Variants in TMEM182 observed in about 807,000 individuals in gnomAD.
TMEM182 encodes transmembrane protein 182.
TMEM182 carries 20 observed loss-of-function variants against 26.8 expected under a neutral mutation model. That is an observed-to-expected ratio of 0.75 (90% confidence interval 0.53 to 1.09). TMEM182 has a LOEUF of 1.09. Ranked by LOEUF, TMEM182 falls within the 50% of genes least tolerant of loss-of-function variation. TMEM182 has a pLI of 0.00. For synonymous variants in TMEM182, 109 were observed against 102.2 expected, an observed-to-expected ratio of 1.07 and a Z score of -0.40; for missense variants, 277 against 275.5, an observed-to-expected ratio of 1.01 and a Z score of -0.04.
Position 102,815,168 on chromosome 2 carries a change from A to G in TMEM182, c.*200A>G. The G allele has an allele frequency of 7.2e-7, 1 of 1,396,556 alleles. No homozygotes were observed. The highest frequency in any genetic ancestry group is 9.3e-7 in the Non-Finnish European group (1 of 1,079,660). The allele number at this position is 1,396,556 out of a possible 1,614,324, so 86.5% of individuals were successfully genotyped here. On this transcript the variant is annotated 3_prime_UTR_variant, in exon 5 of 5. Coordinates refer to ENST00000412401, the MANE Select transcript of TMEM182 (RefSeq NM_144632.5). Reference sequence around the variant, plus strand: ...ACACCAGCAAGCCTCTATCTTGTCTAAGTGCTGTCAAGGACCTAGTTCTTT... The same window carrying G: ...ACACCAGCAAGCCTCTATCTTGTCTGAGTGCTGTCAAGGACCTAGTTCTTT...
chr2:102,809,961 A>G (rs938308684), intron 4 of TMEM182, among the ~76,000 whole-genome samples: 1 of 152,232 alleles, frequency 6.6e-6, no homozygotes, highest in East Asian at 1.9e-4. Flanking sequence ...GTGTGGAAGC[A>G]TGACTAAAGG....
At chr2:102,833,972 A>T (rs1344218789) in intron 3 of TMEM182, among the ~76,000 whole-genome samples, 1 of 152,218 alleles carries the variant, frequency 6.6e-6, no homozygotes, top group East Asian at 1.9e-4. Flanking sequence ...CTGCTAAGTC[A>T]GTAACTTATC....
Position 102,815,984 on chromosome 2 carries a change from C to A in TMEM182, c.*1016C>A, listed in dbSNP as rs1485204950. On this transcript the variant is annotated 3_prime_UTR_variant, in exon 5 of 5. Coordinates refer to ENST00000412401, the MANE Select transcript of TMEM182 (RefSeq NM_144632.5). ...TCCAGTTCTTCTGATCATTTGATTC[C>A]TTTAATTACTGTCCCTCAATTTCTT... is the stretch of plus-strand genomic sequence containing the variant. 2 of 984,794 alleles carry A rather than the reference C, an allele frequency of 2.0e-6. No homozygotes were observed. The highest frequency in any genetic ancestry group is 1.2e-6 in the Non-Finnish European group (1 of 829,506). The allele number at this position is 984,794 out of a possible 1,614,324, so 61.0% of individuals were successfully genotyped here.
chr2:102,785,296 C>T (rs1294357188), intron 3 of TMEM182, among the ~76,000 whole-genome samples: 1 of 152,142 alleles, frequency 6.6e-6, no homozygotes, highest in Non-Finnish European at 1.5e-5. Flanking sequence ...GCCAGTCCCA[C>T]TCTCCCCTTT....
upstream of TMEM182, among the ~76,000 whole-genome samples, chr2:102,761,020 A>G (rs114823284): frequency 5.0e-3 from 755 of 152,314 alleles, 8 homozygotes; most frequent in African/African-American, 0.017. Flanking sequence ...ATGCCACAAA[A>G]AAGAAGGCGT....
In TMEM182 at chr2:102,831,049, A is replaced by G. The variant is rs539263907; in HGVS notation, c.326-12363A>G. Reference sequence around the variant, plus strand: ...AAATGACTGGATCTTATTCTTTTTTATGGCTGAAGAGTACTCCATTGTGTG... The same window carrying G: ...AAATGACTGGATCTTATTCTTTTTTGTGGCTGAAGAGTACTCCATTGTGTG... On this transcript the variant is annotated intron_variant, in intron 3 of 3. Coordinates refer to the TMEM182 transcript ENST00000486293. Among the ~76,000 whole-genome samples the G allele has an allele frequency of 3.7e-4, 57 of 152,252 alleles. No homozygotes were observed. In the South Asian group the frequency reaches 0.011, roughly 30 times the overall value.
At chr2:102,805,414 T>G (rs1424274501) in intron 4 of TMEM182, among the ~76,000 whole-genome samples, 1 of 152,146 alleles carries the variant, frequency 6.6e-6, no homozygotes, top group Non-Finnish European at 1.5e-5. Flanking sequence ...GCCATTGCTT[T>G]CCTGTAAGTG....
intron 1 of TMEM182, among the ~76,000 whole-genome samples, chr2:102,754,214 G>A (rs879389765): frequency 3.9e-5 from 6 of 152,180 alleles, no homozygotes; most frequent in Admixed American, 6.5e-5. Flanking sequence ...TGGGCCAGAT[G>A]TGTTTAGAAC....
rs187602113 is a variant in TMEM182, at chr2:102,801,270, T to G, written c.469+3270T>G. Among the ~76,000 whole-genome samples the G allele has an allele frequency of 3.2e-4, 49 of 152,276 alleles. 1 individual carries two copies. Among genetic ancestry groups the G allele is most frequent in the Admixed American group, 8.5e-4 (13 of 15,288 alleles). ...AGGAATCAGGAGGACCAGAGAGACC[T>G]CAGGGTAAAGCAGGAGGATTTTATG... On this transcript the variant is annotated intron_variant, in intron 4 of 4. Coordinates refer to ENST00000412401, the MANE Select transcript of TMEM182 (RefSeq NM_144632.5).
intron 4 of TMEM182, among the ~76,000 whole-genome samples, chr2:102,802,781 G>C (rs1048867569): frequency 6.6e-6 from 1 of 152,222 alleles, no homozygotes; most frequent in African/African-American, 2.4e-5. Context: ...TGTGAAATGA[G>C]TAAGGATGTG....
rs1292699327 is a variant in TMEM182 at position 102,743,353 on chromosome 2, C to G, written c.-83+6340C>G. ...TGCTCCCATTAAAACCAGAGAAGGG[C>G]CAGGCATAGTGGCACATGCCTGTAG... is the stretch of plus-strand genomic sequence containing the variant. On this transcript the variant is annotated intron_variant, in intron 1 of 5. Coordinates refer to the TMEM182 transcript ENST00000409173. Among the ~76,000 whole-genome samples the G allele has an allele frequency of 2.0e-5, 3 of 151,900 alleles. No individual in the cohort carries two copies. In the East Asian group the frequency reaches 5.8e-4, roughly 29 times the overall value.
At chr2:102,775,446 A>G (rs1474388174) in intron 3 of TMEM182, 2 of 152,186 alleles carry the variant, frequency 1.3e-5, no homozygotes, top group Admixed American at 1.3e-4. Flanking sequence ...TGAATGGGCA[A>G]AAACTGGAAG....
intron 1 of TMEM182, among the ~76,000 whole-genome samples, chr2:102,751,869 T>C (rs895928726): frequency 6.6e-6 from 1 of 152,086 alleles, no homozygotes; most frequent in African/African-American, 2.4e-5. Context: ...GGTTTCATTA[T>C]CTTGCCCAAG....
At chr2:102,830,137 G>T (rs762088790) in intron 3 of TMEM182, among the ~76,000 whole-genome samples, 3 of 152,216 alleles carry the variant, frequency 2.0e-5, no homozygotes, top group Non-Finnish European at 4.4e-5. Flanking sequence ...GCCATTCCTT[G>T]TTATGGTCAC....
At chr2:102,827,341 T>C (rs1683053055) in intron 3 of TMEM182, among the ~76,000 whole-genome samples, 1 of 152,242 alleles carries the variant, frequency 6.6e-6, no homozygotes, top group South Asian at 2.1e-4. Flanking sequence ...TGATATACTA[T>C]ACTACCAGAT....
At chr2:102,840,851 T>G (rs1683336717) in intron 3 of TMEM182, among the ~76,000 whole-genome samples, 1 of 152,204 alleles carries the variant, frequency 6.6e-6, no homozygotes, top group Non-Finnish European at 1.5e-5. Flanking sequence ...CACATTATAT[T>G]TAAGTGGTTT....
intron 1 of TMEM182, among the ~76,000 whole-genome samples, chr2:102,751,167 A>C (rs1035853069): frequency 6.6e-6 from 1 of 151,972 alleles, no homozygotes; most frequent in African/African-American, 2.4e-5. Flanking sequence ...GAGAAAGGAG[A>C]ATAGCTCTCT....
At chr2:102,791,855 G>T (rs1681654255) in intron 3 of TMEM182, among the ~76,000 whole-genome samples, 1 of 152,056 alleles carries the variant, frequency 6.6e-6, no homozygotes, top group African/African-American at 2.4e-5. Flanking sequence ...AGACAAGGCT[G>T]TGTAGTTTTA....
At chr2:102,824,652 G>A (rs1391877653) in intron 3 of TMEM182, among the ~76,000 whole-genome samples, 4 of 151,980 alleles carry the variant, frequency 2.6e-5, no homozygotes, top group East Asian at 1.9e-4. Context: ...GTGAAACCCC[G>A]TGTCTACTAA....
Sources: gnomAD v4.1 joint callset for allele counts (sites outside exome capture counted in the v4.1 genomes callset) on GRCh38, gnomAD v4.1.1 for gene constraint, MANE v1.5 for transcripts, NCBI Gene and HGNC (gene_info 2026-07-23, HGNC 2026-07-21) for gene names.